The following RNF185 variants were observed in gnomAD, a reference collection of about 807,000 sequenced individuals.
The protein encoded by RNF185 is E3 ubiquitin-protein ligase RNF185.
Under a neutral mutation model 24.9 loss-of-function variants are expected in RNF185, and 13 were observed. That is an observed-to-expected ratio of 0.52 (90% CI 0.34 to 0.83). RNF185 has a LOEUF of 0.83. RNF185 is among the 40% of genes least tolerant of loss of function. The probability of loss-of-function intolerance (pLI) is 0.01; values close to 1 mark genes in which losing one functional copy is unlikely to be tolerated. For synonymous variants in RNF185, 79 were observed against 90.3 expected (o/e 0.88, Z 0.71); for missense variants, 184 against 244.7 (o/e 0.75, Z 1.65).
chr22:31,199,787 G>C (rs1173133337), intron 5 of RNF185, among the ~76,000 whole-genome samples: 1 of 152,142 alleles, frequency 6.6e-6, no homozygotes, highest in Non-Finnish European at 1.5e-5. Context: ...CTCCCTTTAG[G>C]TTTGCCCTCT....
At chr22:31,189,379 C>T (rs2048133836) in intron 2 of RNF185, among the ~76,000 whole-genome samples, 1 of 127,276 alleles carries the variant, frequency 7.9e-6, no homozygotes, top group Admixed American at 9.6e-5. Flanking sequence ...GCAACCTCTG[C>T]CTCCTGGGCT....
At chr22:31,166,334 C>T (rs1923917827) in intron 1 of RNF185, among the ~76,000 whole-genome samples, 2 of 152,162 alleles carry the variant, frequency 1.3e-5, no homozygotes, top group South Asian at 2.1e-4. Flanking sequence ...GAAAAATCTC[C>T]CTCTCCCCAC....
chr22:31,189,280 C>CTTTTTTTTTTTTTTTTTT (rs1050842065), intron 2 of RNF185, among the ~76,000 whole-genome samples: 1 of 61,520 alleles, frequency 1.6e-5, no homozygotes. Flanking sequence ...TGTTGTATAT[C>CTTTTTTTTTTTTTTTTTT]TTTTTTTTTT....
chr22:31,162,162 T>C (rs1017127987), intron 1 of RNF185, among the ~76,000 whole-genome samples: 2 of 152,216 alleles, frequency 1.3e-5, no homozygotes, highest in African/African-American at 4.8e-5. Flanking sequence ...AGAGGCTCCA[T>C]ATTATGACCC....
chr22:31,165,480 G>A (rs1256364325), intron 1 of RNF185, among the ~76,000 whole-genome samples: 1 of 152,162 alleles, frequency 6.6e-6, no homozygotes, highest in African/African-American at 2.4e-5. Flanking sequence ...TTGAATGTAG[G>A]TATTCAAAGA....
At chr22:31,195,419 C>T (rs2048195879) in intron 3 of RNF185, 50 bp from the exon 4 acceptor site, 1 of 1,311,990 alleles carries the variant, frequency 7.6e-7, no homozygotes, top group Non-Finnish European at 1.1e-6. Flanking sequence ...TGGCTGATCA[C>T]TCTGGTGGGT....
chr22:31,204,382 G>C (rs185005463), intron 6 of RNF185, 107 bp from the exon 7 acceptor site: 63 of 731,482 alleles, frequency 8.6e-5, no homozygotes, highest in Middle Eastern at 2.4e-4. Flanking sequence ...GTAGGATTCT[G>C]ATGTTGTAAA....
chr22:31,202,607 C>CTTTT (rs71202049), intron 6 of RNF185, among the ~76,000 whole-genome samples: 1,051 of 83,754 alleles, frequency 0.013, 32 homozygotes, highest in East Asian at 0.038. Context: ...TTGGGAATGC[C>CTTTT]TTTTTTTTTT....
chr22:31,189,221 TTATG>T (rs1249149199), intron 2 of RNF185, among the ~76,000 whole-genome samples: 1 of 148,156 alleles, frequency 6.7e-6, no homozygotes, highest in African/African-American at 2.5e-5. Context: ...AGATTATAAA[TTATG>T]TATTTTATGT....
At chr22:31,185,388 C>G (rs1249279373) in intron 1 of RNF185, among the ~76,000 whole-genome samples, 1 of 152,172 alleles carries the variant, frequency 6.6e-6, no homozygotes, top group African/African-American at 2.4e-5. Context: ...CTTGTCTTCT[C>G]ATACTCTGGA....
At chr22:31,200,875 TC>T (rs1395145308) in intron 5 of RNF185, among the ~76,000 whole-genome samples, 1 of 152,252 alleles carries the variant, frequency 6.6e-6, no homozygotes. Flanking sequence ...GAAATTTTAA[TC>T]CGTAACTTGT....
chr22:31,181,306 T>A (rs968462783), intron 1 of RNF185, among the ~76,000 whole-genome samples: 1 of 151,628 alleles, frequency 6.6e-6, no homozygotes, highest in Non-Finnish European at 1.5e-5. Flanking sequence ...ATTGCACCAC[T>A]GCACTCCAGC....
intron 1 of RNF185, among the ~76,000 whole-genome samples, chr22:31,173,395 C>T (rs1342775925): frequency 2.0e-5 from 2 of 100,680 alleles, no homozygotes; most frequent in African/African-American, 3.8e-5. Flanking sequence ...TCAGATCTGT[C>T]AACTCATTCA....
chr22:31,175,411 G>C (rs538153755), intron 1 of RNF185, among the ~76,000 whole-genome samples: 1 of 149,936 alleles, frequency 6.7e-6, no homozygotes, highest in Non-Finnish European at 1.5e-5. Context: ...CCGAGATCAC[G>C]CCATTGCACT....
rs142795812 is a variant in RNF185 at position 31,193,515 on chromosome 22, C to T, written c.195+813C>T. On this transcript the variant is annotated intron_variant, in intron 3 of 6. Transcript: ENST00000326132. Reference sequence around the variant, plus strand: ...AATGTCTATAAAAACACATTTTGGCCGGGTGTGGTGGCTCACACCTATAAT... The same window carrying T: ...AATGTCTATAAAAACACATTTTGGCTGGGTGTGGTGGCTCACACCTATAAT... Among the ~76,000 whole-genome samples, 38 of 152,198 alleles carry T rather than the reference C, an allele frequency of 2.5e-4. No homozygotes were observed. In the East Asian group the frequency reaches 4.8e-3, roughly 19 times the overall value.
At chr22:31,162,231 G>A (rs1378973851) in intron 1 of RNF185, among the ~76,000 whole-genome samples, 4 of 152,118 alleles carry the variant, frequency 2.6e-5, no homozygotes, top group Non-Finnish European at 2.9e-5. Context: ...AAAACTTCCT[G>A]CCAGTTATCG....
At chr22:31,182,180 C>T (rs1456602363) in intron 1 of RNF185, among the ~76,000 whole-genome samples, 4 of 148,728 alleles carry the variant, frequency 2.7e-5, no homozygotes, top group South Asian at 4.3e-4. Flanking sequence ...AGCACAATCA[C>T]GGCTCACTGC....
At chr22:31,163,102 A>C (rs1226769299) in intron 1 of RNF185, among the ~76,000 whole-genome samples, 1 of 152,150 alleles carries the variant, frequency 6.6e-6, no homozygotes, top group Non-Finnish European at 1.5e-5. Context: ...ATAAAAGAAG[A>C]ATAATATTAC....
At chr22:31,182,109 CT>C (rs747537462) in intron 1 of RNF185, among the ~76,000 whole-genome samples, 1,634 of 122,766 alleles carry the variant, frequency 0.013, 8 homozygotes, top group Middle Eastern at 0.027. Flanking sequence ...ACAGTAATTC[CT>C]TTTTTTTTTT....
Sources: gnomAD v4.1 joint callset for allele counts (sites outside exome capture counted in the v4.1 genomes callset) on GRCh38, gnomAD v4.1.1 for gene constraint, MANE v1.5 for transcripts, NCBI Gene and HGNC (gene_info 2026-07-23, HGNC 2026-07-21) for gene names.